Variants in RNF111 observed in about 807,000 individuals in gnomAD.
RNF111 encodes E3 ubiquitin-protein ligase Arkadia.
RNF111 carries 17 observed loss-of-function variants against 95.1 expected under a neutral mutation model. The observed-to-expected ratio is 0.18, with a 90% CI of 0.12 to 0.27. The LOEUF (loss-of-function observed/expected upper bound fraction) is 0.27. Among genes scored for constraint, RNF111 ranks in the 10% least tolerant of loss-of-function variants. RNF111 has a pLI of 1.00. For missense variants in RNF111, 1,189 were observed against 1,210.4 expected (o/e 0.98, Z 0.26); for synonymous variants, 440 against 414.8 (o/e 1.06, Z -0.74).
At chr15:59,057,715 G>T (rs12438208) in intron 4 of RNF111, among the ~76,000 whole-genome samples, 42,737 of 151,942 alleles carry the variant, frequency 0.28, 6,213 homozygotes, top group Middle Eastern at 0.42. Flanking sequence ...ATATAAAAAG[G>T]CATGGAAAGG....
At chr15:59,075,911 G>C (rs758219591) in intron 6 of RNF111, 43 bp from the exon 7 acceptor site, 2 of 1,592,610 alleles carry the variant, frequency 1.3e-6, no homozygotes, top group African/African-American at 1.3e-5. Flanking sequence ...TGAAATATTT[G>C]ACCAAACTTT....
chr15:59,035,211 G>A (rs192823547), intron 2 of RNF111, among the ~76,000 whole-genome samples: 17 of 152,274 alleles, frequency 1.1e-4, no homozygotes, highest in African/African-American at 3.9e-4. Flanking sequence ...TCCATGACAC[G>A]TGGGAATTAT....
intron 1 of RNF111, among the ~76,000 whole-genome samples, chr15:59,021,626 G>A (rs77177655): frequency 0.01 from 1,540 of 152,160 alleles, 15 homozygotes; most frequent in Non-Finnish European, 0.016. Flanking sequence ...TATGAGGTAA[G>A]TACTATTATT....
rs1344343357 is a variant in RNF111, at chr15:59,064,530, T to C, written c.1367-2234T>C. ...TAGCCTGGGCGACAGAGCAAGACTT[T>C]GTCGCAAAAAAAAAAAAAAAAAAGG... On this transcript the variant is annotated intron_variant, in intron 5 of 13. Coordinates refer to ENST00000348370, the MANE Select transcript of RNF111 (RefSeq NM_017610.8). 2.4e-5 allele frequency among the ~76,000 whole-genome samples: 3 copies of C among 123,928 alleles called. No individual in the cohort carries two copies. In the East Asian group the frequency reaches 6.9e-4, roughly 29 times the overall value. The allele number at this position is 123,928 out of a possible 152,430, so 81.3% of individuals were successfully genotyped here. A position where few individuals can be genotyped will look rare whatever the true frequency, so the allele number is the denominator to read the frequency against.
rs766694524 is a variant in RNF111 at position 59,058,493 on chromosome 15, G to T, written c.1309G>T (p.Val437Leu). The part of the protein sequence containing the change: ...SAVTSSQPST[V>L]SETSATLTSN... ...TGTCACCAGTAGCCAACCTTCCACA[G>T]TGTCAGAGACTTCAGCTACTCTTAC... Residue 437 changes from valine (V) to leucine (L), a missense_variant, in exon 5 of 14, where the codon GTG (valine) becomes TTG (leucine). By Grantham distance (32) the Val-to-Leu change is conservative (BLOSUM62 1). Around this residue, in one of 2 missense-constraint regions of RNF111, gnomAD observed 1,024 missense variants for 925.9 expected, o/e 1.11. Transcript: ENST00000348370. 6.2e-7 allele frequency: 1 copy of T among 1,614,030 alleles called. No homozygotes were observed. The highest frequency in any genetic ancestry group is 1.7e-5 in the Admixed American group (1 of 60,012).
chr15:59,013,029 G>A (rs182416145), intron 1 of RNF111, among the ~76,000 whole-genome samples: 3 of 152,246 alleles, frequency 2.0e-5, no homozygotes, highest in Middle Eastern at 3.4e-3. Flanking sequence ...GTGAGCCACC[G>A]CGACCGGCCT....
chr15:59,014,696 T>G (rs1417221150), intron 1 of RNF111, among the ~76,000 whole-genome samples: 1 of 152,020 alleles, frequency 6.6e-6, no homozygotes, highest in Non-Finnish European at 1.5e-5. Flanking sequence ...AAGCATGTTA[T>G]CAGGAAAACT....
Position 59,095,206 on chromosome 15 carries a change from A to C in RNF111, c.*306A>C, listed in dbSNP as rs1006033460. 3.6e-6 allele frequency: 1 copy of C among 274,072 alleles called. No homozygotes were observed. Among genetic ancestry groups the C allele is most frequent in the Non-Finnish European group, 6.9e-6 (1 of 144,344 alleles). The allele number at this position is 274,072 out of a possible 1,614,324, so 17.0% of individuals were successfully genotyped here. On this transcript the variant is annotated 3_prime_UTR_variant, in exon 14 of 14. Coordinates refer to ENST00000348370, the MANE Select transcript of RNF111 (RefSeq NM_017610.8). ...GCTTGTGACCCTAAACTTGCAGGCA[A>C]GGTTAGCTGCTTTAGTAAGTAGAAT...
At chr15:59,080,790 G>C (rs1414779198) in intron 7 of RNF111, 146 bp from the exon 8 acceptor site, 2 of 615,348 alleles carry the variant, frequency 3.3e-6, no homozygotes, top group African/African-American at 3.7e-5. Context: ...CAAGTTGCTT[G>C]AGCAGTTGCT....
At chr15:59,088,174 C>T (rs1396685548) in intron 10 of RNF111, among the ~76,000 whole-genome samples, 3 of 151,948 alleles carry the variant, frequency 2.0e-5, no homozygotes, top group African/African-American at 7.3e-5. Flanking sequence ...GAGAGAGAGG[C>T]TTGGTGGGAA....
intron 10 of RNF111, among the ~76,000 whole-genome samples, chr15:59,087,816 G>A (rs570255364): frequency 6.6e-6 from 1 of 152,276 alleles, no homozygotes; most frequent in South Asian, 2.1e-4. Context: ...AGGGTGAACT[G>A]TAATATGGTC....
At position 59,081,252 on chromosome 15, in the gene RNF111, A is replaced by G. The variant is rs777143432; in HGVS notation, c.2265A>G (p.Glu755=). ...LHPHEVMQRM[E]VQRRRMMQHP... Reference sequence around the variant, plus strand: ...CTCATGAAGTGATGCAGAGGATGGAAGTTCAAAGGAGGAGGATGATGCAGC... The same window carrying G: ...CTCATGAAGTGATGCAGAGGATGGAGGTTCAAAGGAGGAGGATGATGCAGC... The change falls in exon 8 of 14, where the codon GAA becomes GAG. Residue 755 remains glutamate, a synonymous_variant. Transcript: ENST00000348370. The G allele has an allele frequency of 3.7e-6, 6 of 1,613,988 alleles. No individual in the cohort carries two copies. The highest frequency in any genetic ancestry group is 5.1e-6 in the Non-Finnish European group (6 of 1,180,026).
intron 1 of RNF111, among the ~76,000 whole-genome samples, chr15:59,015,134 C>G (rs991137618): frequency 6.6e-6 from 1 of 151,846 alleles, no homozygotes; most frequent in African/African-American, 2.4e-5. Context: ...CTTACTAGGA[C>G]CAAAGTCGAA....
intron 4 of RNF111, 41 bp downstream of exon 4, chr15:59,055,886 T>G (rs547707156): frequency 2.0e-6 from 3 of 1,511,676 alleles, no homozygotes; most frequent in Middle Eastern, 3.8e-4. Context: ...TGAAAGGAGT[T>G]TGATAAAAGG....
At chr15:59,016,602 C>T (rs928104937) in intron 1 of RNF111, among the ~76,000 whole-genome samples, 1 of 152,166 alleles carries the variant, frequency 6.6e-6, no homozygotes, top group African/African-American at 2.4e-5. Context: ...GCTCGGCCCA[C>T]CATAATTTTG....
chr15:58,997,169 G>A (rs2039113593), intron 1 of RNF111, among the ~76,000 whole-genome samples: 1 of 152,020 alleles, frequency 6.6e-6, no homozygotes, highest in African/African-American at 2.4e-5. Flanking sequence ...AAAAAAACAA[G>A]GCTCCTTGCC....
rs187819783 is a variant in RNF111 at position 59,034,238 on chromosome 15, G to A, written c.880+2536G>A. Among the ~76,000 whole-genome samples the A allele has an allele frequency of 2.7e-4, 41 of 152,198 alleles. No homozygotes were observed. The East Asian group carries it at 5.8e-3, about 21-fold the overall frequency. ...TTTATTTAATCAGCTTTTGTCAGTG[G>A]ATATTTGCTGCATTGAGCAACATTG... On this transcript the variant is annotated intron_variant, in intron 2 of 13. Coordinates refer to ENST00000348370, the MANE Select transcript of RNF111 (RefSeq NM_017610.8).
intron 3 of RNF111, among the ~76,000 whole-genome samples, chr15:59,052,728 A>G (rs2042044384): frequency 6.6e-6 from 1 of 151,886 alleles, no homozygotes; most frequent in South Asian, 2.1e-4. Flanking sequence ...TGTCCTTTTC[A>G]AAGCAGGCTG....
In RNF111 at chr15:58,996,649, C is replaced by CTTTTTTTTTTTTTTT. The variant is rs60350601; in HGVS notation, c.-20+8596_-20+8610dup. ...GTGATTGAAAACTCATCAGTACTTT[C>CTTTTTTTTTTTTTTT]TTTTTTTTTTTTTTTTTTTTTTTTT... On this transcript the variant is annotated intron_variant, in intron 1 of 13. Coordinates refer to ENST00000348370, the MANE Select transcript of RNF111 (RefSeq NM_017610.8). Among the ~76,000 whole-genome samples, 71 of 100,764 alleles carry CTTTTTTTTTTTTTTT rather than the reference C, an allele frequency of 7.0e-4. 1 individual carries two copies. The highest frequency in any genetic ancestry group is 1.1e-3 in the Non-Finnish European group (57 of 50,484). The allele number at this position is 100,764 out of a possible 152,430, so 66.1% of individuals were successfully genotyped here.
Sources: gnomAD v4.1 joint callset for allele counts (sites outside exome capture counted in the v4.1 genomes callset) on GRCh38, gnomAD v4.1.1 for gene constraint, gnomAD v4.1.1 regional missense constraint, MANE v1.5 for transcripts, NCBI Gene and HGNC (gene_info 2026-07-23, HGNC 2026-07-21) for gene names.